Variants in CRB1 observed in about 807,000 individuals in gnomAD.
The protein encoded by CRB1 is protein crumbs homolog 1.
CRB1 carries 83 observed loss-of-function variants against 120.0 expected under a neutral mutation model. That is an observed-to-expected ratio of 0.69 (90% CI 0.58 to 0.83). The LOEUF (loss-of-function observed/expected upper bound fraction) is 0.83, where lower values mean the gene tolerates loss of function less well. Ranked by LOEUF, CRB1 falls within the 40% of genes least tolerant of loss-of-function variation. The pLI, the probability that CRB1 is intolerant of heterozygous loss-of-function variation, is 0.00. For missense variants in CRB1, 1,699 were observed against 1,687.6 expected (o/e 1.01, Z -0.12); for synonymous variants, 625 against 612.5 (o/e 1.02, Z -0.30).
chr1:197,367,711 T>C (rs1266327243), intron 5 of CRB1, among the ~76,000 whole-genome samples: 1 of 152,132 alleles, frequency 6.6e-6, no homozygotes, highest in Non-Finnish European at 1.5e-5. Flanking sequence ...CAACTCCAAT[T>C]AGCATGTACT....
In CRB1 at chr1:197,429,572, C is replaced by A; in HGVS notation, c.2800C>A (p.Pro934Thr). 6.2e-7 allele frequency: 1 copy of A among 1,613,960 alleles called. No individual in the cohort carries two copies. The highest frequency in any genetic ancestry group is 1.1e-5 in the South Asian group (1 of 91,068). ...EVQWCGFSPC[P>T]HGAQCQPVLQ... ...TCAGTGGTGTGGATTCAGCCCGTGTCCTCACGGAGCCCAGTGCCAGCCGGT... is the reference window on the plus strand; with the variant it reads ...TCAGTGGTGTGGATTCAGCCCGTGTACTCACGGAGCCCAGTGCCAGCCGGT... Residue 934 changes from proline (P) to threonine (T), a missense_variant, in exon 8 of 12, where the codon CCT becomes ACT. By Grantham distance (38) the Pro-to-Thr change is conservative (BLOSUM62 -1). Transcript: ENST00000367400.
At chr1:197,319,156 A>T (rs1041577815) in intron 1 of CRB1, among the ~76,000 whole-genome samples, 2 of 151,112 alleles carry the variant, frequency 1.3e-5, no homozygotes, top group Non-Finnish European at 2.9e-5. Flanking sequence ...TAAAATGCTC[A>T]ATGATGGCTT....
At chr1:197,422,238 T>C (rs1303926824) in intron 6 of CRB1, among the ~76,000 whole-genome samples, 2 of 152,150 alleles carry the variant, frequency 1.3e-5, no homozygotes, top group Non-Finnish European at 1.5e-5. Flanking sequence ...GTTTGCAAAA[T>C]GCTACTGCAA....
At chr1:197,405,851 G>C (rs891951289) in intron 5 of CRB1, among the ~76,000 whole-genome samples, 1 of 151,846 alleles carries the variant, frequency 6.6e-6, no homozygotes, top group East Asian at 1.9e-4. Flanking sequence ...CAGCCACCCC[G>C]TCTGGGAAGT....
At chr1:197,282,252 G>C (rs1298827396) in intron 1 of CRB1, among the ~76,000 whole-genome samples, 1 of 151,468 alleles carries the variant, frequency 6.6e-6, no homozygotes, top group East Asian at 1.9e-4. Context: ...TAAAGAGTTG[G>C]GTCCTTACTT....
chr1:197,465,697 C>T (rs753374910), intron 11 of CRB1, among the ~76,000 whole-genome samples: 110 of 152,258 alleles, frequency 7.2e-4, no homozygotes, highest in Non-Finnish European at 1.2e-3. Flanking sequence ...CAGTGAAAGG[C>T]TACCCATTAA....
intron 4 of CRB1, among the ~76,000 whole-genome samples, chr1:197,356,208 T>C (rs1242375234): frequency 6.6e-6 from 1 of 152,250 alleles, no homozygotes; most frequent in East Asian, 1.9e-4. Flanking sequence ...ACTGTATGTA[T>C]TTCTTACAGT....
At chr1:197,243,985 G>A in the CRB1 span, among the ~76,000 whole-genome samples, 2 of 152,054 alleles carry the variant, frequency 1.3e-5, no homozygotes, top group Non-Finnish European at 2.9e-5. Context: ...TCAGAGACTA[G>A]GATTGCAGCC....
chr1:197,397,198 TCCATTGAAA>T (rs1459174184), intron 5 of CRB1, among the ~76,000 whole-genome samples: 1 of 152,076 alleles, frequency 6.6e-6, no homozygotes, highest in Non-Finnish European at 1.5e-5. Context: ...CAATAACATG[TCCATTGAAA>T]CCACATGAGA....
intron 4 of CRB1, among the ~76,000 whole-genome samples, chr1:197,352,377 C>CA (rs1660153644): frequency 6.6e-6 from 1 of 151,538 alleles, no homozygotes; most frequent in Non-Finnish European, 1.5e-5. Flanking sequence ...GCCAGAAAAG[C>CA]AAAAAAAGGA....
chr1:197,347,455 A>G lies in CRB1; in HGVS notation c.964A>G (p.Asn322Asp), dbSNP rs942572644. 1.2e-6 allele frequency: 2 copies of G among 1,614,188 alleles called. No homozygotes were observed. The highest frequency in any genetic ancestry group is 1.3e-5 in the African/African-American group (1 of 75,064). Residue 322 changes from asparagine to aspartate, a missense_variant, in exon 4 of 12, where the codon AAT becomes GAT. Transcript: ENST00000367400. ...NNATCEDSVDNYTCHCWPGYT... is the reference protein window; with the variant it reads ...NNATCEDSVDDYTCHCWPGYT... Reference sequence around the variant, plus strand: ...TGCTACATGTGAGGACAGTGTTGACAATTACACTTGTCACTGCTGGCCTGG... The same window carrying G: ...TGCTACATGTGAGGACAGTGTTGACGATTACACTTGTCACTGCTGGCCTGG...
At chr1:197,277,037 C>T (rs1655246626) in intron 1 of CRB1, among the ~76,000 whole-genome samples, 1 of 151,832 alleles carries the variant, frequency 6.6e-6, no homozygotes, top group Admixed American at 6.6e-5. Context: ...TTAAAATCAG[C>T]CACGGTGGAA....
chr1:197,266,404 A>G (rs1163429272), upstream of CRB1, among the ~76,000 whole-genome samples: 1 of 152,092 alleles, frequency 6.6e-6, no homozygotes, highest in African/African-American at 2.4e-5. Context: ...CCCATTCATG[A>G]GGGTTAGGTC....
chr1:197,264,613 C>CTTT (rs750805262), upstream of CRB1, among the ~76,000 whole-genome samples: 14 of 131,054 alleles, frequency 1.1e-4, no homozygotes, highest in African/African-American at 3.1e-4. Context: ...GTGCATTCTT[C>CTTT]TTTTTTTTTT....
the CRB1 span, among the ~76,000 whole-genome samples, chr1:197,207,349 G>T: frequency 7.2e-5 from 11 of 151,838 alleles, no homozygotes; most frequent in African/African-American, 2.7e-4. Context: ...TTTTATTTTG[G>T]TGTATTTTGA....
chr1:197,368,645 C>G (rs1005737483), intron 5 of CRB1, among the ~76,000 whole-genome samples: 2 of 152,154 alleles, frequency 1.3e-5, no homozygotes, highest in African/African-American at 4.8e-5. Context: ...TTTGTAGACC[C>G]TATGACAGAG....
intron 5 of CRB1, among the ~76,000 whole-genome samples, chr1:197,396,186 G>A (rs566288288): frequency 2.4e-4 from 36 of 152,124 alleles, no homozygotes; most frequent in Non-Finnish European, 3.8e-4. Flanking sequence ...GTTTTTATAC[G>A]CTAGCATTGA....
intron 1 of CRB1, among the ~76,000 whole-genome samples, chr1:197,283,587 G>T (rs1213759757): frequency 6.6e-6 from 1 of 151,590 alleles, no homozygotes; most frequent in African/African-American, 2.4e-5. Flanking sequence ...CCTTTTTATG[G>T]CTGAGTAGTA....
At chr1:197,359,911 A>T (rs2821116) in intron 5 of CRB1, among the ~76,000 whole-genome samples, 126,969 of 152,142 alleles carry the variant, frequency 0.83, 53,271 homozygotes, top group African/African-American at 0.92. Flanking sequence ...GGAAAATGTC[A>T]CCCCATGTTT....
Sources: gnomAD v4.1 joint callset for allele counts (sites outside exome capture counted in the v4.1 genomes callset) on GRCh38, gnomAD v4.1.1 for gene constraint, MANE v1.5 for transcripts, NCBI Gene and HGNC (gene_info 2026-07-23, HGNC 2026-07-21) for gene names.